Variants in LY96 observed in about 807,000 individuals in gnomAD.
The protein encoded by LY96 is lymphocyte antigen 96, also known as myeloid differentiation protein-2.
LY96 carries 18 observed loss-of-function variants against 18.9 expected under a neutral mutation model. That is an observed-to-expected ratio of 0.95 (90% CI 0.66 to 1.41). The LOEUF is 1.41. Ranked by LOEUF, LY96 falls within the 40% of genes most tolerant of loss-of-function variation. LY96 has a pLI of 0.00. For synonymous variants in LY96, 66 were observed against 62.6 expected, an observed-to-expected ratio of 1.06 and a Z score of -0.26; for missense variants, 175 against 182.4, an observed-to-expected ratio of 0.96 and a Z score of 0.23.
At chr8:74,019,232 G>A in intron 3 of LY96, among the ~76,000 whole-genome samples, 1 of 152,074 alleles carries the variant, frequency 6.6e-6, no homozygotes, top group Non-Finnish European at 1.5e-5. Flanking sequence ...AAATGATAAA[G>A]GGGATATCAC....
At chr8:74,070,013 G>T in the LY96 span, among the ~76,000 whole-genome samples, 1 of 152,156 alleles carries the variant, frequency 6.6e-6, no homozygotes, top group Non-Finnish European at 1.5e-5. Flanking sequence ...CTTCTGTAAA[G>T]TAGGGCTGGC....
the LY96 span, among the ~76,000 whole-genome samples, chr8:74,064,097 A>T: frequency 1.3e-5 from 2 of 152,230 alleles, no homozygotes; most frequent in Non-Finnish European, 2.9e-5. Flanking sequence ...TCTAGCCAAG[A>T]AAAGGCAAAG....
downstream of LY96, among the ~76,000 whole-genome samples, chr8:74,032,719 A>G (rs10105412): frequency 0.023 from 3,566 of 152,276 alleles, 132 homozygotes; most frequent in African/African-American, 0.08. Flanking sequence ...TTGTAAAAAT[A>G]ACTACTTTAA....
chr8:74,067,236 C>T, the LY96 span, among the ~76,000 whole-genome samples: 3 of 151,926 alleles, frequency 2.0e-5, no homozygotes, highest in Non-Finnish European at 2.9e-5. Flanking sequence ...TATGTATGTA[C>T]GTATTTATTT....
chr8:74,055,656 C>T, the LY96 span, among the ~76,000 whole-genome samples: 1 of 152,154 alleles, frequency 6.6e-6, no homozygotes, highest in Non-Finnish European at 1.5e-5. Flanking sequence ...GGTCATAGGT[C>T]TTAAGACAGG....
downstream of LY96, among the ~76,000 whole-genome samples, chr8:74,033,743 G>A (rs980749182): frequency 3.3e-5 from 5 of 152,214 alleles, no homozygotes; most frequent in African/African-American, 4.8e-5. Flanking sequence ...ATTGTTTAGA[G>A]CAATTAAGTG....
chr8:74,008,744 G>A (rs925728713), intron 2 of LY96, among the ~76,000 whole-genome samples: 2 of 152,180 alleles, frequency 1.3e-5, no homozygotes, highest in African/African-American at 4.8e-5. Context: ...CAGGAGAAAG[G>A]TTGAGACTAA....
rs1201236407 is a variant in LY96 at position 73,996,362 on chromosome 8, TTCC to T, written c.112+4810_112+4812del. 6.2e-3 allele frequency among the ~76,000 whole-genome samples: 830 copies of T among 133,868 alleles called. 24 individuals carry two copies. Among genetic ancestry groups the T allele is most frequent in the Non-Finnish European group, 7.9e-3 (497 of 62,782 alleles). The allele number at this position is 133,868 out of a possible 152,430, so 87.8% of individuals were successfully genotyped here. A position where few individuals can be genotyped will look rare whatever the true frequency, so the allele number is the denominator to read the frequency against. On this transcript the variant is annotated intron_variant, in intron 1 of 4. Coordinates refer to ENST00000284818, the MANE Select transcript of LY96 (RefSeq NM_015364.5). ...CTTCCTTCCTTCCTTCCTTCCTTCC[TTCC>T]TTCATTCCTTTCTTTCTTTCTTTCT...
intron 3 of LY96, among the ~76,000 whole-genome samples, chr8:74,011,522 C>G (rs1422286182): frequency 6.6e-6 from 1 of 152,132 alleles, no homozygotes; most frequent in African/African-American, 2.4e-5. Context: ...ACAAAGAACT[C>G]AAGCAACTCA....
chr8:74,081,841 A>G, the LY96 span, among the ~76,000 whole-genome samples: 2 of 151,958 alleles, frequency 1.3e-5, no homozygotes, highest in Admixed American at 1.3e-4. Flanking sequence ...TTTAGTAGAG[A>G]TGGGGTTTCA....
At chr8:74,076,919 G>A in the LY96 span, among the ~76,000 whole-genome samples, 3 of 152,198 alleles carry the variant, frequency 2.0e-5, no homozygotes, top group South Asian at 4.1e-4. Flanking sequence ...CCCTACTTCA[G>A]ATGTTAATCG....
At chr8:73,998,678 G>C (rs913497701) in intron 1 of LY96, among the ~76,000 whole-genome samples, 1 of 149,930 alleles carries the variant, frequency 6.7e-6, no homozygotes, top group African/African-American at 2.5e-5. Context: ...GTGAAATCCT[G>C]TCTCTTCTCT....
At chr8:74,060,847 A>G in the LY96 span, among the ~76,000 whole-genome samples, 1 of 152,240 alleles carries the variant, frequency 6.6e-6, no homozygotes, top group African/African-American at 2.4e-5. Flanking sequence ...TTCCAGGCCC[A>G]CGTGGTCCTT....
intron 3 of LY96, among the ~76,000 whole-genome samples, chr8:74,012,711 TA>T (rs374312473): frequency 6.6e-6 from 1 of 152,206 alleles, no homozygotes; most frequent in African/African-American, 2.4e-5. Context: ...AAGACAGTTA[TA>T]AGAACAAAAT....
At chr8:74,035,904 A>G in the LY96 span, among the ~76,000 whole-genome samples, 5 of 152,198 alleles carry the variant, frequency 3.3e-5, no homozygotes, top group African/African-American at 1.2e-4. Context: ...AAATCAGTGT[A>G]CATCTTACAT....
chr8:73,999,843 C>G (rs1180443847), intron 1 of LY96, among the ~76,000 whole-genome samples: 1 of 152,052 alleles, frequency 6.6e-6, no homozygotes, highest in Non-Finnish European at 1.5e-5. Context: ...TTAATGAAGT[C>G]TTTAGGGATT....
chr8:74,018,032 A>C (rs1401581451), intron 3 of LY96, among the ~76,000 whole-genome samples: 1 of 152,188 alleles, frequency 6.6e-6, no homozygotes, highest in East Asian at 1.9e-4. Flanking sequence ...TAATGACAGG[A>C]TCAAATTCAC....
chr8:73,996,374 T>A (rs1563707852), intron 1 of LY96, among the ~76,000 whole-genome samples: 6,081 of 36,730 alleles, frequency 0.17, 256 homozygotes, highest in African/African-American at 0.28. Flanking sequence ...CCTTCATTCC[T>A]TTCTTTCTTT....
the LY96 span, among the ~76,000 whole-genome samples, chr8:74,085,178 G>A: frequency 6.6e-6 from 1 of 152,206 alleles, no homozygotes; most frequent in African/African-American, 2.4e-5. Flanking sequence ...ACAACCCTGT[G>A]AGTAAGATAG....
Sources: allele counts gnomAD v4.1 joint callset (sites outside exome capture counted in the v4.1 genomes callset), GRCh38; gene constraint gnomAD v4.1.1; transcripts MANE v1.5; gene names NCBI Gene and HGNC (gene_info 2026-07-23, HGNC 2026-07-21).